Variants in PFKL observed in about 807,000 individuals in gnomAD.
PFKL encodes the protein ATP-dependent 6-phosphofructokinase, liver type.
Under a neutral mutation model 92.1 loss-of-function variants are expected in PFKL, and 74 were observed. The observed-to-expected ratio is 0.80, with a 90% CI of 0.67 to 0.97. The LOEUF is 0.97. Among genes scored for constraint, PFKL ranks in the 50% least tolerant of loss-of-function variants. The pLI is 0.00. For missense variants in PFKL, 1,028 were observed against 1,116.6 expected (o/e 0.92, Z 1.13); for synonymous variants, 494 against 456.4 (o/e 1.08, Z -1.05).
intron 6 of PFKL, 103 bp from the exon 7 acceptor site, chr21:44,313,810 A>C: frequency 7.6e-7 from 1 of 1,316,732 alleles, no homozygotes; most frequent in Non-Finnish European, 1.1e-6. Flanking sequence ...GGGGGCCGGG[A>C]GAGACAGAGA....
chr21:44,301,246 C>T lies in PFKL; in HGVS notation c.85+1056C>T, dbSNP rs947532989. Among the ~76,000 whole-genome samples, 6 of 152,230 alleles carry T rather than the reference C, an allele frequency of 3.9e-5. No homozygotes were observed. In the South Asian group the frequency reaches 1.2e-3, roughly 32 times the overall value. ...TGGGTGTCACTGTCTGAACCCCGGC[C>T]TGCAGAGGGGGCTCCTTCAGACCTG... is the stretch of plus-strand genomic sequence containing the variant. On this transcript the variant is annotated intron_variant, in intron 1 of 21. Coordinates refer to ENST00000349048, the MANE Select transcript of PFKL (RefSeq NM_002626.6).
At chr21:44,321,688 C>T (rs1270842272) in intron 12 of PFKL, 41 bp from the exon 13 acceptor site, 2 of 1,491,718 alleles carry the variant, frequency 1.3e-6, no homozygotes, top group Non-Finnish European at 1.8e-6. Context: ...GGGGTCCCCT[C>T]CCCGGCTGTG....
chr21:44,306,518 C>G (rs1335821782), intron 1 of PFKL, among the ~76,000 whole-genome samples, 163 bp from the exon 2 acceptor site: 2 of 151,872 alleles, frequency 1.3e-5, no homozygotes, highest in African/African-American at 2.4e-5. Flanking sequence ...TGACCCTTGC[C>G]CTCTTGAGAT....
At chr21:44,317,907 T>A (rs2047251554) in intron 9 of PFKL, among the ~76,000 whole-genome samples, 1 of 152,258 alleles carries the variant, frequency 6.6e-6, no homozygotes, top group Admixed American at 6.5e-5. Flanking sequence ...GTCCAGCTGC[T>A]GGGCTTCTAC....
At chr21:44,312,413 G>C in intron 4 of PFKL, 119 bp downstream of exon 4, 5 of 946,184 alleles carry the variant, frequency 5.3e-6, no homozygotes, top group Non-Finnish European at 7.5e-6. Context: ...GCAGAGGAGG[G>C]GCTGTCTGGC....
chr21:44,302,284 C>T (rs553919092), intron 1 of PFKL, among the ~76,000 whole-genome samples: 76 of 152,360 alleles, frequency 5.0e-4, no homozygotes, highest in Middle Eastern at 3.4e-3. Flanking sequence ...AGCTCCCATG[C>T]GTGGACAGGG....
chr21:44,312,541 G>A (rs908946434), intron 4 of PFKL, among the ~76,000 whole-genome samples: 1 of 152,212 alleles, frequency 6.6e-6, no homozygotes, highest in Non-Finnish European at 1.5e-5. Flanking sequence ...GGTGGAGGCC[G>A]GTGTTGCTCA....
chr21:44,307,704 G>A (rs1024354291), intron 2 of PFKL, among the ~76,000 whole-genome samples: 2 of 152,170 alleles, frequency 1.3e-5, no homozygotes, highest in Admixed American at 6.5e-5. Flanking sequence ...GTGCTGGCCC[G>A]TCCTCTCCCT....
At chr21:44,306,615 A>AGGG in intron 1 of PFKL, 66 bp from the exon 2 acceptor site, 21 of 1,377,786 alleles carry the variant, frequency 1.5e-5, no homozygotes, top group Non-Finnish European at 2.0e-5. Flanking sequence ...GTCCTCTGAG[A>AGGG]TGGGGAGGGT....
Position 44,327,030 on chromosome 21 carries a change from G to A in PFKL, c.*168G>A, listed in dbSNP as rs2073436. On this transcript the variant is annotated 3_prime_UTR_variant, in exon 22 of 22. Transcript: ENST00000349048. ...CCTGGCCACCTGCCAGGCCTCCCTC[G>A]GGCTGGTGTCTTGAGACCAGCCTGC... The A allele has an allele frequency of 7.0e-3, 4,485 of 640,394 alleles. 150 individuals carry two copies. The African/African-American group carries it at 0.073, about 10-fold the overall frequency. The allele number at this position is 640,394 out of a possible 1,614,324, so 39.7% of individuals were successfully genotyped here. A position where few individuals can be genotyped will look rare whatever the true frequency, so the allele number is the denominator to read the frequency against.
At chr21:44,313,466 C>G (rs1309057157) in intron 5 of PFKL, among the ~76,000 whole-genome samples, 172 bp from the exon 6 acceptor site, 2 of 152,232 alleles carry the variant, frequency 1.3e-5, no homozygotes, top group Non-Finnish European at 2.9e-5. Flanking sequence ...TCGAAACCAG[C>G]CCAAAGGCTG....
chr21:44,308,558 A>ATTTTTTTTTTTTTTTTTTTTT (rs368772998), intron 2 of PFKL, among the ~76,000 whole-genome samples: 1 of 137,606 alleles, frequency 7.3e-6, no homozygotes, highest in African/African-American at 2.8e-5. Context: ...GGGGGGTAGG[A>ATTTTTTTTTTTTTTTTTTTTT]ATTTTTTTTT....
In PFKL at chr21:44,323,923, G is replaced by T. The variant is rs184200205; in HGVS notation, c.1650+5G>T. 1 of 1,613,098 alleles carries T rather than the reference G, an allele frequency of 6.2e-7. No individual in the cohort carries two copies. The highest frequency in any genetic ancestry group is 8.5e-7 in the Non-Finnish European group (1 of 1,179,888). ...GCTGTAAATGCCGCCATGGAGGTAC[G>T]GGGCTCCTGGACACCGGCCTGCCAT... On this transcript the variant is annotated splice_donor_5th_base_variant and intron_variant, in intron 16 of 21. Coordinates refer to ENST00000349048, the MANE Select transcript of PFKL (RefSeq NM_002626.6).
At chr21:44,319,530 G>C (rs1306436556) in intron 11 of PFKL, 115 bp downstream of exon 11, 1 of 901,912 alleles carries the variant, frequency 1.1e-6, no homozygotes, top group African/African-American at 1.6e-5. Context: ...TAGGCACCGC[G>C]TCTGAAGATC....
Position 44,327,049 on chromosome 21 carries a change from A to G in PFKL, c.*187A>G. The G allele has an allele frequency of 6.6e-6, 4 of 606,590 alleles. No individual in the cohort carries two copies. Among genetic ancestry groups the G allele is most frequent in the Non-Finnish European group, 1.2e-5 (4 of 342,466 alleles). The allele number at this position is 606,590 out of a possible 1,614,324, so 37.6% of individuals were successfully genotyped here. ...TCCCTCGGGCTGGTGTCTTGAGACC[A>G]GCCTGCCAGGCCCTCCAGCAGGAGG... is the stretch of plus-strand genomic sequence containing the variant. On this transcript the variant is annotated 3_prime_UTR_variant, in exon 22 of 22. Transcript: ENST00000349048.
chr21:44,302,085 C>T (rs2040791432), intron 1 of PFKL, among the ~76,000 whole-genome samples: 1 of 152,214 alleles, frequency 6.6e-6, no homozygotes, highest in African/African-American at 2.4e-5. Context: ...TCTGTCTGAG[C>T]TGGGGGTTCC....
rs149161469 is a variant in PFKL, at chr21:44,318,101, C to T, written c.937-369C>T. On this transcript the variant is annotated intron_variant, in intron 9 of 21. Coordinates refer to ENST00000349048, the MANE Select transcript of PFKL (RefSeq NM_002626.6). ...GTGCGGACACACACCAGGGAAGTCACGACATGAGGGCCTCCACGGGAGGAT... is the reference window on the plus strand; with the variant it reads ...GTGCGGACACACACCAGGGAAGTCATGACATGAGGGCCTCCACGGGAGGAT... Among the ~76,000 whole-genome samples, 189 of 152,370 alleles carry T rather than the reference C, an allele frequency of 1.2e-3. 1 individual carries two copies. Among genetic ancestry groups the T allele is most frequent in the African/African-American group, 4.4e-3 (181 of 41,594 alleles).
In PFKL at chr21:44,326,018, A is replaced by G. The variant is rs1345384515; in HGVS notation, c.2047A>G (p.Met683Val). 1 of 1,613,860 alleles carries G rather than the reference A, an allele frequency of 6.2e-7. No individual in the cohort carries two copies. The highest frequency in any genetic ancestry group is 8.5e-7 in the Non-Finnish European group (1 of 1,179,956). Residue 683 changes from methionine to valine, a missense_variant, in exon 20 of 22, where the codon ATG becomes GTG. By Grantham distance (21) the Met-to-Val change is conservative. Coordinates refer to ENST00000349048, the MANE Select transcript of PFKL (RefSeq NM_002626.6). Reference sequence around the variant, plus strand: ...TGGGACCAAGCTGGGGGTGAAGGCCATGCTGTGGTTGTCGGAGAAGCTGCG... The same window carrying G: ...TGGGACCAAGCTGGGGGTGAAGGCCGTGCTGTGGTTGTCGGAGAAGCTGCG... ...NYGTKLGVKAMLWLSEKLREV... is the reference protein window; with the variant it reads ...NYGTKLGVKAVLWLSEKLREV...
At chr21:44,305,257 G>C in intron 1 of PFKL, 1 of 1,325,438 alleles carries the variant, frequency 7.5e-7, no homozygotes, top group African/African-American at 1.5e-5. Flanking sequence ...GTTTCTCAAG[G>C]CGTGGCACCT....
Sources: allele counts gnomAD v4.1 joint callset (sites outside exome capture counted in the v4.1 genomes callset), GRCh38; gene constraint gnomAD v4.1.1; transcripts MANE v1.5; gene names NCBI Gene and HGNC (gene_info 2026-07-23, HGNC 2026-07-21).